Variants in ERG observed in about 807,000 individuals in gnomAD.
The protein encoded by ERG is transcriptional regulator ERG.
A neutral mutation model predicts 55.3 loss-of-function variants in ERG; 9 were observed. That is an observed-to-expected ratio of 0.16 (90% CI 0.10 to 0.28). The LOEUF (loss-of-function observed/expected upper bound fraction) is 0.28, where lower values mean the gene tolerates loss of function less well. Ranked by LOEUF, ERG falls within the 10% of genes least tolerant of loss-of-function variation. The pLI is 1.00. For missense variants in ERG, 434 were observed against 631.6 expected, an observed-to-expected ratio of 0.69 and a Z score of 3.35; for synonymous variants, 223 against 237.3, an observed-to-expected ratio of 0.94 and a Z score of 0.55.
Position 38,619,403 on chromosome 21 carries a change from C to T in ERG, c.-149-34458G>A, listed in dbSNP as rs1048653256. 2.0e-5 allele frequency among the ~76,000 whole-genome samples: 3 copies of T among 152,304 alleles called. No individual in the cohort carries two copies. The East Asian group carries it at 5.8e-4, about 29-fold the overall frequency. On this transcript the variant is annotated intron_variant, in intron 1 of 10. Coordinates refer to the ERG transcript ENST00000398910. ...CTCTCTATTCCTCTTACTCCCTCCC[C>T]TGTCTCTTCCCTCCTGCTCCCCCAT...
intron 1 of ERG, among the ~76,000 whole-genome samples, chr21:38,620,591 C>T (rs2060284634): frequency 6.6e-6 from 1 of 152,062 alleles, no homozygotes; most frequent in Non-Finnish European, 1.5e-5. Context: ...ATAAAATATC[C>T]CCATCACCAA....
chr21:38,562,269 A>C (rs189915235), intron 2 of ERG, among the ~76,000 whole-genome samples: 1 of 152,330 alleles, frequency 6.6e-6, no homozygotes, highest in Admixed American at 6.5e-5. Flanking sequence ...ATCTTCAAAA[A>C]TAATACTTTT....
chr21:38,405,479 T>C (rs1258477912), intron 3 of ERG, among the ~76,000 whole-genome samples: 3 of 152,134 alleles, frequency 2.0e-5, no homozygotes, highest in Non-Finnish European at 4.4e-5. Context: ...AAACTAGTGA[T>C]GCCTGGTCTC....
chr21:38,547,576 G>C (rs535949159), intron 2 of ERG, among the ~76,000 whole-genome samples: 2 of 152,206 alleles, frequency 1.3e-5, no homozygotes, highest in Non-Finnish European at 2.9e-5. Flanking sequence ...CTCGATCATA[G>C]GCAAGGGCTT....
chr21:38,549,658 G>GA (rs1450807552), intron 2 of ERG, among the ~76,000 whole-genome samples: 1 of 151,740 alleles, frequency 6.6e-6, no homozygotes, highest in Admixed American at 6.6e-5. Flanking sequence ...AATTTTCTAT[G>GA]AAAAAAAGAG....
chr21:38,660,196 T>C (rs576499647), intron 1 of ERG, among the ~76,000 whole-genome samples: 1 of 152,184 alleles, frequency 6.6e-6, no homozygotes, highest in Non-Finnish European at 1.5e-5. Flanking sequence ...TCAGCTTTTT[T>C]AGTTCAACCC....
rs567778309 is a variant in ERG at position 38,460,287 on chromosome 21, T to A, written c.19-14666A>T. Among the ~76,000 whole-genome samples the A allele has an allele frequency of 6.6e-6, 1 of 152,300 alleles. No individual in the cohort carries two copies. Among genetic ancestry groups the A allele is most frequent in the South Asian group, 2.1e-4 (1 of 4,828 alleles). On this transcript the variant is annotated intron_variant, in intron 1 of 9. Transcript: ENST00000288319. The surrounding 1 kb of genome is among the most constrained non-coding windows in gnomAD (Gnocchi z 5.0). ...GGGGGTGGTAGAGCCTTGCAGGCCA[T>A]GGCAGGAACCTGGGTGTTGACTCAG...
chr21:38,495,253 G>A (rs185896383), intron 1 of ERG, among the ~76,000 whole-genome samples: 3 of 152,290 alleles, frequency 2.0e-5, no homozygotes, highest in African/African-American at 7.2e-5. Context: ...CAGACGTGGC[G>A]TATATAATGC....
intron 1 of ERG, among the ~76,000 whole-genome samples, chr21:38,450,220 GAA>G (rs5843907): frequency 6.7e-6 from 1 of 149,606 alleles, no homozygotes; most frequent in South Asian, 2.1e-4. Context: ...AAAAAACAAA[GAA>G]AAAAAAATAG....
chr21:38,473,220 G>C (rs925041784), intron 1 of ERG, among the ~76,000 whole-genome samples: 5 of 150,542 alleles, frequency 3.3e-5, no homozygotes, highest in African/African-American at 1.2e-4. Flanking sequence ...GCTCAGCCAG[G>C]TCAAATAAAT....
intron 2 of ERG, among the ~76,000 whole-genome samples, chr21:38,543,355 GTTT>G (rs60845917): frequency 1.6e-5 from 1 of 61,532 alleles, no homozygotes; most frequent in African/African-American, 4.2e-5. Context: ...GTATATGTGT[GTTT>G]TTTTTTAAAA....
At chr21:38,431,202 G>T (rs1990190869) in intron 2 of ERG, among the ~76,000 whole-genome samples, 1 of 152,192 alleles carries the variant, frequency 6.6e-6, no homozygotes, top group Non-Finnish European at 1.5e-5. Context: ...GAGTTAAGGA[G>T]AGAAGGCAGA....
rs1390747691 is a variant in ERG, at chr21:38,460,101, C to A, written c.19-14480G>T. On this transcript the variant is annotated intron_variant, in intron 1 of 9. Transcript: ENST00000288319. This position sits in a 1 kb window ranked among gnomAD's most constrained non-coding sequence, Gnocchi z 5.0. ...GGAGGGGAGGGTGTGAGCCCCCATGCATTCATGAAGAATAGGCCTTCCAGC... is the reference window on the plus strand; with the variant it reads ...GGAGGGGAGGGTGTGAGCCCCCATGAATTCATGAAGAATAGGCCTTCCAGC... 6.6e-6 allele frequency among the ~76,000 whole-genome samples: 1 copy of A among 152,148 alleles called. No homozygotes were observed. Among genetic ancestry groups the A allele is most frequent in the Non-Finnish European group, 1.5e-5 (1 of 68,036 alleles).
At chr21:38,379,905 C>T (rs1389104489), downstream of ERG, 1 of 480,744 alleles carries the variant, frequency 2.1e-6, no homozygotes, top group Non-Finnish European at 2.7e-6. Flanking sequence ...TCTCATGTTG[C>T]CCAGGCTGGT....
At chr21:38,598,909 G>A (rs1221740706) in intron 1 of ERG, among the ~76,000 whole-genome samples, 1 of 152,208 alleles carries the variant, frequency 6.6e-6, no homozygotes, top group Non-Finnish European at 1.5e-5. Context: ...TTCCTTCAGA[G>A]AAAGTTTCAG....
chr21:38,510,607 A>G (rs982246185), intron 2 of ERG, among the ~76,000 whole-genome samples: 2 of 152,194 alleles, frequency 1.3e-5, no homozygotes, highest in African/African-American at 2.4e-5. Context: ...AGGGCTATAC[A>G]TACCTTGTGC....
In ERG at chr21:38,381,941, T is replaced by A. The variant is rs909524238; in HGVS notation, c.*1462A>T. On this transcript the variant is annotated 3_prime_UTR_variant, in exon 10 of 10. Transcript: ENST00000288319. Reference sequence around the variant, plus strand: ...ACAAGTTCCTGGACAAAGTAAATTATAACACAAAATCCACAACATTCAGCA... The same window carrying A: ...ACAAGTTCCTGGACAAAGTAAATTAAAACACAAAATCCACAACATTCAGCA... The A allele has an allele frequency of 5.7e-5, 61 of 1,062,856 alleles. 1 individual carries two copies. Among genetic ancestry groups the A allele is most frequent in the Non-Finnish European group, 6.9e-5 (61 of 877,792 alleles). The allele number at this position is 1,062,856 out of a possible 1,614,324, so 65.8% of individuals were successfully genotyped here.
At chr21:38,573,200 C>A (rs944512491) in intron 2 of ERG, among the ~76,000 whole-genome samples, 6 of 152,228 alleles carry the variant, frequency 3.9e-5, no homozygotes, top group African/African-American at 1.4e-4. Flanking sequence ...GGGACCTCTG[C>A]CCTTGAAAGC....
At position 38,563,940 on chromosome 21, in the gene ERG, G is replaced by A. The variant is rs529650654; in HGVS notation, c.-41+11722C>T. 2.9e-3 allele frequency among the ~76,000 whole-genome samples: 442 copies of A among 152,334 alleles called. 4 individuals carry two copies. Among genetic ancestry groups the A allele is most frequent in the African/African-American group, 0.01 (416 of 41,590 alleles). On this transcript the variant is annotated intron_variant, in intron 2 of 8. Coordinates refer to the ERG transcript ENST00000398897. The stretch of plus-strand genomic sequence containing the variant: ...AATTCACTCGCGAGTAAGGTATCGG[G>A]AGAGAGTGGTGTACAACGTGACAGG...
Sources: gnomAD v4.1 joint callset for allele counts (sites outside exome capture counted in the v4.1 genomes callset) on GRCh38, gnomAD v4.1.1 for gene constraint, Gnocchi (gnomAD v3.1) non-coding constraint, MANE v1.5 for transcripts, NCBI Gene and HGNC (gene_info 2026-07-23, HGNC 2026-07-21) for gene names.